The following UGGT1 variants were observed in gnomAD, a reference collection of about 807,000 sequenced individuals.
UGGT1 encodes the protein UDP-glucose:glycoprotein glucosyltransferase 1.
Under a neutral mutation model 203.9 loss-of-function variants are expected in UGGT1, and 107 were observed. The observed-to-expected ratio is 0.52, with a 90% confidence interval of 0.45 to 0.62. The LOEUF is 0.62. Among genes scored for constraint, UGGT1 ranks in the 20% least tolerant of loss-of-function variants. The pLI is 0.00. For missense variants in UGGT1, 1,673 were observed against 1,867.2 expected, an observed-to-expected ratio of 0.90 and a Z score of 1.92; for synonymous variants, 628 against 653.5, an observed-to-expected ratio of 0.96 and a Z score of 0.59.
At chr2:128,189,340 G>A (rs10195101) in intron 40 of UGGT1, among the ~76,000 whole-genome samples, 87,399 of 152,018 alleles carry the variant, frequency 0.57, 25,464 homozygotes, top group South Asian at 0.65. Context: ...TTATAAGCCA[G>A]AAGCATCAAA....
rs78819926 is a variant in UGGT1, at chr2:128,119,318, G to A, written c.873-1038G>A. Among the ~76,000 whole-genome samples the A allele has an allele frequency of 4.2e-3, 636 of 152,186 alleles. 6 individuals carry two copies. Among genetic ancestry groups the A allele is most frequent in the African/African-American group, 0.013 (557 of 41,520 alleles). ...TTAAGAAATTTTGAGTTAGCCGGGC[G>A]CGGTAGCTCACGCCTGTAATCCCAG... is the stretch of plus-strand genomic sequence containing the variant. On this transcript the variant is annotated intron_variant, in intron 8 of 40. Transcript: ENST00000259253.
chr2:128,161,982 A>G (rs2104747998), intron 25 of UGGT1, among the ~76,000 whole-genome samples: 1 of 152,262 alleles, frequency 6.6e-6, no homozygotes, highest in South Asian at 2.1e-4. Flanking sequence ...GCAATGCTCA[A>G]GGGTGCCGGT....
chr2:128,127,103 CCTT>C (rs932942394), intron 11 of UGGT1, among the ~76,000 whole-genome samples: 2 of 152,102 alleles, frequency 1.3e-5, no homozygotes, highest in Non-Finnish European at 2.9e-5. Context: ...TCCATGATCT[CCTT>C]ATTTTTTTCT....
intron 3 of UGGT1, among the ~76,000 whole-genome samples, chr2:128,105,332 T>C (rs964411803): frequency 2.6e-5 from 4 of 151,174 alleles, no homozygotes; most frequent in African/African-American, 7.3e-5. Context: ...TATTTTTTAT[T>C]TGGGCTAATT....
At position 128,116,281 on chromosome 2, in the gene UGGT1, C is replaced by G. The variant is rs1474403839; in HGVS notation, c.810C>G (p.Thr270=). 1 of 1,608,340 alleles carries G rather than the reference C, an allele frequency of 6.2e-7. No individual in the cohort carries two copies. Among genetic ancestry groups the G allele is most frequent in the Non-Finnish European group, 8.5e-7 (1 of 1,175,202 alleles). ...CTTTCATAGGAACTGAGGTAAACACCACAGTGATTGGTGAAAATGATCCTA... is the reference window on the plus strand; with the variant it reads ...CTTTCATAGGAACTGAGGTAAACACGACAGTGATTGGTGAAAATGATCCTA... ...DTQVKGTEVN[T]TVIGENDPID... is the part of the protein sequence containing the mutation. Residue 270 remains threonine, a synonymous_variant, in exon 8 of 41, where the codon ACC becomes ACG. Transcript: ENST00000259253.
chr2:128,163,426 C>G (rs1365710955), intron 25 of UGGT1, among the ~76,000 whole-genome samples: 5 of 131,844 alleles, frequency 3.8e-5, no homozygotes. Flanking sequence ...AGTTAGAAAT[C>G]AATTTTAGGC....
chr2:128,102,405 A>G (rs1167577633), intron 2 of UGGT1, among the ~76,000 whole-genome samples: 3 of 152,216 alleles, frequency 2.0e-5, no homozygotes, highest in Non-Finnish European at 4.4e-5. Context: ...CAGCCTCCCA[A>G]AGTGCTGGGA....
chr2:128,183,338 C>G (rs950403197), intron 37 of UGGT1, among the ~76,000 whole-genome samples: 1 of 152,212 alleles, frequency 6.6e-6, no homozygotes, highest in Non-Finnish European at 1.5e-5. Flanking sequence ...CCCCCTGTAA[C>G]ATTGAAGACA....
chr2:128,120,570 G>A (rs1012708621), intron 9 of UGGT1, 114 bp downstream of exon 9: 12 of 777,988 alleles, frequency 1.5e-5, no homozygotes, highest in Non-Finnish European at 2.6e-5. Flanking sequence ...AGGTGCCTCA[G>A]ATTTTAAAGA....
rs1688756032 is a variant in UGGT1, at chr2:128,129,122, G to A, written c.1320G>A (p.Leu440=). ...TTTCTCTGCATAATGTTTTGAAGCT[G>A]AACATCCAGCCCTCTGAGGCAGACT... is the stretch of plus-strand genomic sequence containing the variant. The part of the protein sequence containing the change: ...EGLSLHNVLK[L]NIQPSEADYA... Residue 440 remains leucine (L), a synonymous_variant, in exon 13 of 41, where the codon CTG becomes CTA. Transcript: ENST00000259253. 1 of 1,613,974 alleles carries A rather than the reference G, an allele frequency of 6.2e-7. No homozygotes were observed. The highest frequency in any genetic ancestry group is 1.3e-5 in the African/African-American group (1 of 74,920).
intron 34 of UGGT1, 137 bp from the exon 35 acceptor site, chr2:128,179,649 C>T: frequency 8.0e-6 from 5 of 626,252 alleles, no homozygotes; most frequent in Admixed American, 3.5e-5. Context: ...CATCACTGAG[C>T]GTCTCCCTCG....
Position 128,173,835 on chromosome 2 carries a change from C to T in UGGT1, c.3349C>T (p.His1117Tyr). ...GCTGGAATACCTGTTACTGGAAGGT[C>T]ATTGCTACGACATCACCACAGGCCA... ...YELEYLLLEG[H>Y]CYDITTGQPP... The change falls in exon 30 of 41, where the codon CAT becomes TAT. Residue 1117 changes from histidine (H) to tyrosine (Y), a missense_variant. By Grantham distance (83) the His-to-Tyr change is moderately conservative. Coordinates refer to ENST00000259253, the MANE Select transcript of UGGT1 (RefSeq NM_020120.4). The T allele has an allele frequency of 6.2e-7, 1 of 1,614,132 alleles. No individual in the cohort carries two copies. Among genetic ancestry groups the T allele is most frequent in the African/African-American group, 1.3e-5 (1 of 75,014 alleles).
intron 27 of UGGT1, 113 bp from the exon 28 acceptor site, chr2:128,171,092 C>A (rs562228108): frequency 2.1e-6 from 2 of 968,688 alleles, no homozygotes; most frequent in African/African-American, 3.3e-5. Context: ...CCAGTGCAGA[C>A]TCTGTGGCTG....
At chr2:128,139,493 G>A (rs895946615) in intron 16 of UGGT1, among the ~76,000 whole-genome samples, 2 of 152,150 alleles carry the variant, frequency 1.3e-5, no homozygotes, top group African/African-American at 4.8e-5. Context: ...ATAGAGAGAT[G>A]GTACTGTACA....
At chr2:128,147,030 C>CTCACCATGAATGACAAAGACACTCCTA (rs1374588326) in intron 18 of UGGT1, among the ~76,000 whole-genome samples, 2 of 152,204 alleles carry the variant, frequency 1.3e-5, no homozygotes, top group African/African-American at 4.8e-5. Context: ...TCCTAAGGGG[C>CTCACCATGAATGACAAAGACACTCCTA]TCACCATGAA....
In UGGT1 at chr2:128,107,977, C is replaced by T. The variant is rs867110210; in HGVS notation, c.317C>T (p.Ala106Val). The change falls in exon 4 of 41, where the codon GCA becomes GTA. Residue 106 changes from alanine to valine, a missense_variant. By Grantham distance (64) the Ala-to-Val change is moderately conservative. This residue lies in a region of UGGT1 where 1,073 missense variants were observed against 1,078.7 expected (regional missense o/e 0.99). Transcript: ENST00000259253. Reference sequence around the variant, plus strand: ...TACTATCATGCAATATTGGAGGCTGCATTTCAGTTTCTGTCACCCCTCCAG... The same window carrying T: ...TACTATCATGCAATATTGGAGGCTGTATTTCAGTTTCTGTCACCCCTCCAG... ...YSYYHAILEA[A>V]FQFLSPLQQN... 1.5e-5 allele frequency: 24 copies of T among 1,614,154 alleles called. No homozygotes were observed. In the African/African-American group the frequency reaches 2.9e-4, roughly 20 times the overall value.
chr2:128,182,775 C>T (rs1691766588), intron 37 of UGGT1, among the ~76,000 whole-genome samples: 1 of 151,440 alleles, frequency 6.6e-6, no homozygotes, highest in African/African-American at 2.4e-5. Flanking sequence ...CCTGTTCTCA[C>T]AGCAGATAAC....
intron 19 of UGGT1, among the ~76,000 whole-genome samples, chr2:128,154,056 T>TACACACACACAC (rs1355207997): frequency 2.4e-5 from 2 of 83,142 alleles, no homozygotes; most frequent in African/African-American, 9.1e-5. Flanking sequence ...AATACATGTA[T>TACACACACACAC]ATATACACAC....
chr2:128,185,413 A>G (rs1433739583), intron 38 of UGGT1, among the ~76,000 whole-genome samples: 1 of 142,386 alleles, frequency 7.0e-6, no homozygotes, highest in Non-Finnish European at 1.5e-5. Context: ...CAGGTGATCC[A>G]CCCACCTTGG....
Sources: allele counts gnomAD v4.1 joint callset (sites outside exome capture counted in the v4.1 genomes callset), GRCh38; gene constraint gnomAD v4.1.1; regional missense constraint gnomAD v4.1.1; transcripts MANE v1.5; gene names NCBI Gene and HGNC (gene_info 2026-07-23, HGNC 2026-07-21).